Variants in PRUNE1 observed in about 807,000 individuals in gnomAD.
PRUNE1 encodes the protein prune exopolyphosphatase 1, also known as exopolyphosphatase PRUNE1.
A neutral mutation model predicts 42.5 loss-of-function variants in PRUNE1; 25 were observed. The ratio of observed to expected loss-of-function variants is 0.59; its 90% CI spans 0.43 to 0.82. The LOEUF (loss-of-function observed/expected upper bound fraction) is 0.82, where lower values mean the gene tolerates loss of function less well. Among genes scored for constraint, PRUNE1 ranks in the 40% least tolerant of loss-of-function variants. The pLI is 0.00. For synonymous variants in PRUNE1, 203 were observed against 217.1 expected (o/e 0.93, Z 0.57); for missense variants, 443 against 539.3 (o/e 0.82, Z 1.77).
At chr1:151,017,567 C>G (rs1674181944) in intron 1 of PRUNE1, among the ~76,000 whole-genome samples, 1 of 151,832 alleles carries the variant, frequency 6.6e-6, no homozygotes. Context: ...AATCCCGTCT[C>G]TACAAAAAAA....
At chr1:151,031,806 C>T (rs1293640470) in intron 7 of PRUNE1, among the ~76,000 whole-genome samples, 2 of 152,130 alleles carry the variant, frequency 1.3e-5, no homozygotes, top group African/African-American at 2.4e-5. Flanking sequence ...CACTTGGAAA[C>T]GACACTAGAT....
At position 151,028,853 on chromosome 1, in the gene PRUNE1, TC is replaced by T. The variant is rs1675047314; in HGVS notation, c.844del (p.Leu282TrpfsTer4). The T allele has an allele frequency of 6.2e-7, 1 of 1,613,932 alleles. No individual in the cohort carries two copies. Among genetic ancestry groups the T allele is most frequent in the South Asian group, 1.1e-5 (1 of 91,086 alleles). On this transcript the variant is annotated frameshift_variant, in exon 7 of 8. Coordinates refer to ENST00000271620, the MANE Select transcript of PRUNE1 (RefSeq NM_021222.3). LOFTEE classifies it high-confidence loss of function. The stretch of plus-strand genomic sequence containing the variant: ...TTCTGCCAGGCTCACAGCTATGATG[TC>T]CTGGTTGCCATGACTATCTTTTTCA... ...HAFCQAHSYD[V>X]LVAMTIFFNT...
chr1:151,017,978 A>G, intron 2 of PRUNE1, 74 bp downstream of exon 2: 1 of 1,015,310 alleles, frequency 9.8e-7, no homozygotes, highest in Non-Finnish European at 1.5e-6. Context: ...ACCCAGCTCT[A>G]CCACTTACCA....
rs587757136 is a variant in PRUNE1, at chr1:151,029,543, A to G, written c.933+599A>G. Among the ~76,000 whole-genome samples the G allele has an allele frequency of 4.6e-5, 7 of 151,268 alleles. No homozygotes were observed. In the South Asian group the frequency reaches 1.5e-3, roughly 32 times the overall value. ...CCACCACGCCCGGCTAATTTTTTGT[A>G]TTTTTAGTAGAGACGGGGTTTCACC... On this transcript the variant is annotated intron_variant, in intron 7 of 7. Coordinates refer to ENST00000271620, the MANE Select transcript of PRUNE1 (RefSeq NM_021222.3).
At chr1:151,020,068 G>T (rs2102913640) in intron 3 of PRUNE1, among the ~76,000 whole-genome samples, 1 of 141,864 alleles carries the variant, frequency 7.0e-6, no homozygotes, top group East Asian at 2.2e-4. Context: ...CCTGACCTCA[G>T]ATGATCTGCC....
intron 3 of PRUNE1, among the ~76,000 whole-genome samples, chr1:151,022,199 C>T (rs1237657344): frequency 3.3e-5 from 5 of 149,780 alleles, no homozygotes; most frequent in African/African-American, 1.2e-4. Flanking sequence ...CAGTGAGCCT[C>T]CCAGATTCAA....
intron 6 of PRUNE1, among the ~76,000 whole-genome samples, chr1:151,028,151 C>T (rs1309498824): frequency 1.3e-5 from 2 of 152,152 alleles, no homozygotes; most frequent in African/African-American, 4.8e-5. Context: ...GCTCAGATGT[C>T]TCTTGTTTTG....
At chr1:151,025,263 A>G (rs1239903334) in intron 4 of PRUNE1, among the ~76,000 whole-genome samples, 1 of 152,086 alleles carries the variant, frequency 6.6e-6, no homozygotes, top group African/African-American at 2.4e-5. Flanking sequence ...CTGTCTGACT[A>G]GGCTGTAAAA....
In PRUNE1 at chr1:151,025,519, C is replaced by G; in HGVS notation, c.525C>G (p.Thr175=). The part of the protein sequence containing the change: ...DRQTAALLHG[T]IILDCVNMDL... ...CACCATCTCCCTTCTCCACAGGAAC[C>G]ATCATCCTGGACTGTGTCAACATGG... Residue 175 remains threonine (T), a synonymous_variant, in exon 5 of 8, where the codon ACC becomes ACG. Coordinates refer to ENST00000271620, the MANE Select transcript of PRUNE1 (RefSeq NM_021222.3). 4 of 1,612,338 alleles carry G rather than the reference C, an allele frequency of 2.5e-6. No individual in the cohort carries two copies. The highest frequency in any genetic ancestry group is 1.7e-6 in the Non-Finnish European group (2 of 1,179,286).
intron 4 of PRUNE1, among the ~76,000 whole-genome samples, chr1:151,025,126 C>G (rs915385247): frequency 6.9e-6 from 1 of 144,006 alleles, no homozygotes; most frequent in African/African-American, 2.6e-5. Context: ...GAGCAAATCT[C>G]TTAACCTTTC....
In PRUNE1 at chr1:151,023,696, C is replaced by T. The variant is rs186219827; in HGVS notation, c.336-915C>T. On this transcript the variant is annotated intron_variant, in intron 3 of 7. Transcript: ENST00000271620. ...TTGCACCACTGCACTCCAGCCTGGG[C>T]GACACAGCGAGATTCCGTCTTAGAA... 3.2e-3 allele frequency among the ~76,000 whole-genome samples: 453 copies of T among 141,402 alleles called. 1 individual carries two copies. Among genetic ancestry groups the T allele is most frequent in the Middle Eastern group, 0.011 (3 of 268 alleles). The allele number at this position is 141,402 out of a possible 152,430, so 92.8% of individuals were successfully genotyped here.
chr1:151,029,492 C>T (rs587690589), intron 7 of PRUNE1, among the ~76,000 whole-genome samples: 6 of 151,268 alleles, frequency 4.0e-5, no homozygotes, highest in Admixed American at 1.3e-4. Flanking sequence ...CTCAGCCTCC[C>T]GAGTAGCTGG....
intron 3 of PRUNE1, among the ~76,000 whole-genome samples, chr1:151,021,629 AC>A (rs1674446263): frequency 1.3e-5 from 2 of 152,058 alleles, no homozygotes; most frequent in Admixed American, 1.3e-4. Context: ...TTTCTTGAGC[AC>A]ATTGTGGTTA....
At chr1:151,013,588 G>T (rs1351256337) in intron 1 of PRUNE1, among the ~76,000 whole-genome samples, 1 of 152,136 alleles carries the variant, frequency 6.6e-6, no homozygotes. Flanking sequence ...GCGTGGAAAG[G>T]TTCTCCAGCA....
chr1:151,021,778 T>C (rs113779709), intron 3 of PRUNE1, among the ~76,000 whole-genome samples: 2,698 of 151,246 alleles, frequency 0.018, 62 homozygotes, highest in African/African-American at 0.05. Context: ...AGTGCAATAG[T>C]GCAATCTAGG....
intron 1 of PRUNE1, among the ~76,000 whole-genome samples, chr1:151,010,999 A>G (rs587615967): frequency 6.6e-5 from 10 of 152,312 alleles, no homozygotes; most frequent in Admixed American, 3.3e-4. Flanking sequence ...GTATTTCATG[A>G]ACAAATTTAA....
intron 5 of PRUNE1, among the ~76,000 whole-genome samples, chr1:151,026,689 A>G (rs965362214): frequency 3.9e-5 from 6 of 152,060 alleles, no homozygotes; most frequent in Admixed American, 3.3e-4. Flanking sequence ...AGAAAGAAAG[A>G]ACTCACATGT....
At position 151,017,340 on chromosome 1, in the gene PRUNE1, C is replaced by CTA. The variant is rs1293247875; in HGVS notation, c.40-469_40-468dup. Among the ~76,000 whole-genome samples the CTA allele has an allele frequency of 2.0e-5, 3 of 152,210 alleles. No individual in the cohort carries two copies. The East Asian group carries it at 5.8e-4, about 29-fold the overall frequency. On this transcript the variant is annotated intron_variant, in intron 1 of 7. Transcript: ENST00000271620. Reference sequence around the variant, plus strand: ...CTACAAACTGGATATAGGTAGAATGCTATAAGCTTAGCTGAAACACTTATG... The same window carrying CTA: ...CTACAAACTGGATATAGGTAGAATGCTATATAAGCTTAGCTGAAACACTTATG...
At position 151,035,677 on chromosome 1, in the gene PRUNE1, T is replaced by C. The variant is rs1172670408; in HGVS notation, c.*1443T>C. 6.6e-6 allele frequency: 1 copy of C among 152,640 alleles called. No homozygotes were observed. The highest frequency in any genetic ancestry group is 1.5e-5 in the Non-Finnish European group (1 of 68,048). 9.5% of individuals were successfully genotyped at this position (152,640 alleles called of 1,614,324 possible). ...GTTTTGTAACTTGGGTACTTTATTT[T>C]GCATTTTGTTATACTATTAAATAAT... On this transcript the variant is annotated 3_prime_UTR_variant, in exon 8 of 8. Transcript: ENST00000271620.
Sources: allele counts gnomAD v4.1 joint callset (sites outside exome capture counted in the v4.1 genomes callset), GRCh38; gene constraint gnomAD v4.1.1; transcripts MANE v1.5; gene names NCBI Gene and HGNC (gene_info 2026-07-23, HGNC 2026-07-21).